Variants in CIB4 observed in about 807,000 individuals in gnomAD.
CIB4 encodes calcium and integrin-binding family member 4.
A neutral mutation model predicts 25.8 loss-of-function variants in CIB4; 25 were observed. That is an observed-to-expected ratio of 0.97 (90% CI 0.71 to 1.35). The LOEUF is 1.35. Among genes scored for constraint, CIB4 ranks in the 40% most tolerant of loss-of-function variants. The pLI is 0.00. For missense variants in CIB4, 235 were observed against 228.2 expected, an observed-to-expected ratio of 1.03 and a Z score of -0.19; for synonymous variants, 75 against 81.4, an observed-to-expected ratio of 0.92 and a Z score of 0.42.
intron 3 of CIB4, among the ~76,000 whole-genome samples, chr2:26,629,121 C>T (rs1327016081): frequency 6.6e-6 from 1 of 152,318 alleles, no homozygotes; most frequent in Admixed American, 6.5e-5. Flanking sequence ...AGGCCTGGAG[C>T]AGGTCTCATG....
At chr2:26,632,629 G>A (rs183535798) in intron 2 of CIB4, among the ~76,000 whole-genome samples, 12 of 152,078 alleles carry the variant, frequency 7.9e-5, no homozygotes, top group African/African-American at 2.2e-4. Context: ...ATGGTGGCGC[G>A]CATCCATAAT....
intron 3 of CIB4, among the ~76,000 whole-genome samples, chr2:26,604,614 C>A (rs1221919606): frequency 6.6e-6 from 1 of 151,888 alleles, no homozygotes; most frequent in Admixed American, 6.6e-5. Context: ...CTTTTTTTCC[C>A]CCAGACAAAC....
intron 4 of CIB4, among the ~76,000 whole-genome samples, chr2:26,587,359 C>T (rs1668478613): frequency 1.4e-5 from 2 of 138,094 alleles, no homozygotes; most frequent in Non-Finnish European, 3.1e-5. Flanking sequence ...CTCTTGACTT[C>T]TACATATTAG....
intron 2 of CIB4, among the ~76,000 whole-genome samples, chr2:26,638,673 C>T (rs969113729): frequency 5.9e-5 from 9 of 152,196 alleles, no homozygotes; most frequent in Non-Finnish European, 5.9e-5. Flanking sequence ...AAAATGTAGG[C>T]CGGGTGCAGT....
intron 3 of CIB4, among the ~76,000 whole-genome samples, chr2:26,599,607 T>C (rs1572549151): frequency 6.6e-6 from 1 of 152,348 alleles, no homozygotes; most frequent in East Asian, 1.9e-4. Flanking sequence ...ACTTGGACTT[T>C]CAAGAGCTCA....
chr2:26,621,176 A>G (rs1662984), intron 3 of CIB4, among the ~76,000 whole-genome samples: 67,225 of 150,280 alleles, frequency 0.45, 16,534 homozygotes, highest in Non-Finnish European at 0.55. Flanking sequence ...CACACAGGGG[A>G]AAGGACTCGT....
chr2:26,614,440 C>T (rs1669053649), intron 3 of CIB4, among the ~76,000 whole-genome samples: 1 of 152,190 alleles, frequency 6.6e-6, no homozygotes. Context: ...TTTAAATGAT[C>T]CCATTAGCGT....
chr2:26,594,006 G>A (rs1388196400), intron 4 of CIB4, among the ~76,000 whole-genome samples: 3 of 152,152 alleles, frequency 2.0e-5, no homozygotes, highest in Non-Finnish European at 4.4e-5. Flanking sequence ...GTTTCCATCA[G>A]CCTGCCTGAG....
intron 4 of CIB4, among the ~76,000 whole-genome samples, chr2:26,592,648 T>A (rs1330022632): frequency 1.3e-5 from 2 of 152,230 alleles, no homozygotes. Context: ...TTCCCTTGAA[T>A]AATTTTTCTC....
intron 4 of CIB4, among the ~76,000 whole-genome samples, chr2:26,587,304 CAAAAA>C (rs71399396): frequency 4.9e-5 from 3 of 61,470 alleles, no homozygotes; most frequent in Admixed American, 6.4e-4. Context: ...GACTCCGTCT[CAAAAA>C]AAAAAAAAAA....
intron 6 of CIB4, 97 bp downstream of exon 6, chr2:26,582,728 G>T: frequency 1.5e-6 from 1 of 662,438 alleles, no homozygotes. Flanking sequence ...AGCCTTCTTG[G>T]GAAGACTGAG....
At chr2:26,591,039 C>T (rs1027230261) in intron 4 of CIB4, among the ~76,000 whole-genome samples, 9 of 152,212 alleles carry the variant, frequency 5.9e-5, no homozygotes, top group African/African-American at 1.9e-4. Context: ...CTGCTCACCT[C>T]GCTCCTGAAG....
chr2:26,583,123 C>T (rs983600643), intron 5 of CIB4, among the ~76,000 whole-genome samples: 13 of 152,176 alleles, frequency 8.5e-5, no homozygotes, highest in African/African-American at 3.1e-4. Flanking sequence ...CTCCTGGGGC[C>T]TCCAGCACGA....
At chr2:26,597,654 T>C (rs1304021372) in intron 3 of CIB4, among the ~76,000 whole-genome samples, 3 of 152,186 alleles carry the variant, frequency 2.0e-5, no homozygotes, top group Admixed American at 1.3e-4. Context: ...TGTCCTTAAA[T>C]TTTTTTATTT....
intron 3 of CIB4, among the ~76,000 whole-genome samples, chr2:26,610,640 T>A (rs995933612): frequency 2.0e-5 from 3 of 152,176 alleles, no homozygotes; most frequent in African/African-American, 7.2e-5. Flanking sequence ...CCACACCTTA[T>A]CTATACCTTC....
chr2:26,639,277 A>T (rs576996421), intron 2 of CIB4, among the ~76,000 whole-genome samples: 1 of 151,560 alleles, frequency 6.6e-6, no homozygotes, highest in African/African-American at 2.4e-5. Context: ...TACACATGTC[A>T]TGGTGGTTTG....
Position 26,589,165 on chromosome 2 carries a change from T to G in CIB4, c.329-5267A>C, listed in dbSNP as rs961730550. ...CTCCTTCCCCTTCCCCTTCCCCTTC[T>G]CCTTCTCCTTCTTCCTCTTCCTCTT... On this transcript the variant is annotated intron_variant, in intron 4 of 6. Coordinates refer to ENST00000288861, the MANE Select transcript of CIB4 (RefSeq NM_001029881.3). Among the ~76,000 whole-genome samples the G allele has an allele frequency of 4.2e-5, 5 of 117,888 alleles. No individual in the cohort carries two copies. The East Asian group carries it at 1.1e-3, about 25-fold the overall frequency. 77.3% of individuals were successfully genotyped at this position (117,888 alleles called of 152,430 possible).
chr2:26,632,879 A>C (rs1355427710), intron 2 of CIB4, among the ~76,000 whole-genome samples: 1 of 152,196 alleles, frequency 6.6e-6, no homozygotes, highest in East Asian at 1.9e-4. Flanking sequence ...GATAAAGAAC[A>C]GACCCACTTT....
At position 26,583,875 on chromosome 2, in the gene CIB4, C is replaced by G; in HGVS notation, c.352G>C (p.Asp118His). Residue 118 changes from aspartate to histidine, a missense_variant, in exon 5 of 7, where the codon GAT becomes CAT. By Grantham distance (81) the Asp-to-His change is moderately conservative (BLOSUM62 -1). Coordinates refer to ENST00000288861, the MANE Select transcript of CIB4 (RefSeq NM_001029881.3). ...ATGATCCTCTGCAGATCCTCCTCAT[C>G]AATGAAGCCATTCTCATTAAAATCT... The part of the protein sequence containing the change: ...IYDFNENGFI[D>H]EEDLQRIILR... 1 of 1,612,350 alleles carries G rather than the reference C, an allele frequency of 6.2e-7. No homozygotes were observed. The highest frequency in any genetic ancestry group is 8.5e-7 in the Non-Finnish European group (1 of 1,178,538).
Sources: gnomAD v4.1 joint callset for allele counts (sites outside exome capture counted in the v4.1 genomes callset) on GRCh38, gnomAD v4.1.1 for gene constraint, MANE v1.5 for transcripts, NCBI Gene and HGNC (gene_info 2026-07-23, HGNC 2026-07-21) for gene names.